Variants in SUMF1 observed in about 807,000 individuals in gnomAD.
The protein encoded by SUMF1 is sulfatase modifying factor 1.
A neutral mutation model predicts 47.6 loss-of-function variants in SUMF1; 48 were observed. The ratio of observed to expected loss-of-function variants is 1.01; its 90% CI spans 0.80 to 1.28. The LOEUF (loss-of-function observed/expected upper bound fraction) is 1.28. Among genes scored for constraint, SUMF1 ranks in the 50% most tolerant of loss-of-function variants. The pLI, the probability that SUMF1 is intolerant of heterozygous loss-of-function variation, is 0.00. For missense variants in SUMF1, 571 were observed against 485.4 expected (o/e 1.18, Z -1.66); for synonymous variants, 230 against 192.1 (o/e 1.20, Z -1.63).
chr3:4,264,944 G>A (rs1246700749), intron 8 of SUMF1, among the ~76,000 whole-genome samples: 1 of 151,976 alleles, frequency 6.6e-6, no homozygotes, highest in Non-Finnish European at 1.5e-5. Flanking sequence ...GACCATCATG[G>A]CCAACATTGT....
At chr3:4,385,215 A>C (rs151327967) in intron 7 of SUMF1, among the ~76,000 whole-genome samples, 34 of 152,270 alleles carry the variant, frequency 2.2e-4, no homozygotes, top group African/African-American at 6.7e-4. Context: ...AAAACGTCAA[A>C]TTGTTTTCCA....
intron 8 of SUMF1, chr3:4,303,293 G>A (rs1342639673): frequency 1.4e-6 from 2 of 1,398,516 alleles, no homozygotes; most frequent in Non-Finnish European, 1.9e-6. Flanking sequence ...AGGCGGTGGG[G>A]CCACGGGACC....
intron 8 of SUMF1, among the ~76,000 whole-genome samples, chr3:4,103,167 CCT>C (rs1303329986): frequency 6.6e-6 from 1 of 151,636 alleles, no homozygotes; most frequent in Non-Finnish European, 1.5e-5. Context: ...AAGTGATCCA[CCT>C]GCCTCGGCCT....
At chr3:4,164,052 G>A (rs995362294) in intron 8 of SUMF1, among the ~76,000 whole-genome samples, 2 of 152,110 alleles carry the variant, frequency 1.3e-5, no homozygotes, top group Non-Finnish European at 2.9e-5. Flanking sequence ...CAACAAATGG[G>A]TAACTTGTTC....
At chr3:4,046,644 G>A (rs1574843492) in intron 9 of SUMF1, among the ~76,000 whole-genome samples, 1 of 152,024 alleles carries the variant, frequency 6.6e-6, no homozygotes, top group South Asian at 2.1e-4. Flanking sequence ...GCAAAATCTC[G>A]CTCCAAATAT....
chr3:4,138,884 G>A (rs753161448), intron 8 of SUMF1, among the ~76,000 whole-genome samples: 14 of 152,092 alleles, frequency 9.2e-5, no homozygotes, highest in African/African-American at 2.9e-4. Context: ...CAGCTGATGC[G>A]ATGTTCTTGA....
intron 9 of SUMF1, among the ~76,000 whole-genome samples, chr3:4,055,219 G>A (rs771463469): frequency 6.6e-6 from 1 of 151,952 alleles, no homozygotes; most frequent in Non-Finnish European, 1.5e-5. Context: ...ACAATGAAAC[G>A]GAAAAATGTG....
intron 8 of SUMF1, among the ~76,000 whole-genome samples, chr3:4,286,963 G>T (rs1474368372): frequency 6.6e-6 from 1 of 152,080 alleles, no homozygotes; most frequent in Non-Finnish European, 1.5e-5. Flanking sequence ...GGATGCCTGG[G>T]ATACCCGAGA....
At chr3:4,416,756 T>C (rs1288952963) in intron 6 of SUMF1, among the ~76,000 whole-genome samples, 3 of 152,134 alleles carry the variant, frequency 2.0e-5, no homozygotes, top group African/African-American at 7.2e-5. Context: ...GCCCAGCACA[T>C]TGCAAGCACT....
At chr3:4,348,356 A>G (rs1164421644) in intron 8 of SUMF1, among the ~76,000 whole-genome samples, 1 of 152,134 alleles carries the variant, frequency 6.6e-6, no homozygotes, top group East Asian at 1.9e-4. Flanking sequence ...CAGAACAGAG[A>G]CCTCGGAAGC....
chr3:4,456,718 A>ACACATATATACGTGTGTGTG (rs2079626909), intron 1 of SUMF1, among the ~76,000 whole-genome samples: 1 of 130,480 alleles, frequency 7.7e-6, no homozygotes, highest in Admixed American at 7.9e-5. Context: ...ATATATATAC[A>ACACATATATACGTGTGTGTG]TATATATACG....
chr3:4,185,899 G>C (rs1465914993), intron 8 of SUMF1, among the ~76,000 whole-genome samples: 3 of 152,112 alleles, frequency 2.0e-5, no homozygotes, highest in Admixed American at 2.0e-4. Context: ...TATAGTGGCA[G>C]GATTAAAAAG....
intron 8 of SUMF1, among the ~76,000 whole-genome samples, chr3:4,152,876 A>G (rs1424128295): frequency 6.6e-6 from 1 of 151,544 alleles, no homozygotes; most frequent in Non-Finnish European, 1.5e-5. Flanking sequence ...GATAGACAGA[A>G]GAAAACATTT....
intron 8 of SUMF1, among the ~76,000 whole-genome samples, chr3:4,203,763 T>C (rs1478963588): frequency 6.6e-6 from 1 of 151,938 alleles, no homozygotes; most frequent in African/African-American, 2.4e-5. Context: ...GTTGTAGGTT[T>C]TTTTTATTTG....
chr3:4,071,673 T>C (rs915664300), intron 8 of SUMF1, among the ~76,000 whole-genome samples: 2 of 152,132 alleles, frequency 1.3e-5, no homozygotes, highest in African/African-American at 4.8e-5. Context: ...GCTCACAGTG[T>C]AAACAAAGCT....
chr3:4,356,899 G>T (rs1167267833), downstream of SUMF1, among the ~76,000 whole-genome samples: 2 of 152,160 alleles, frequency 1.3e-5, no homozygotes, highest in Non-Finnish European at 2.9e-5. Context: ...TGCTTCACCT[G>T]TTCACACGTC....
At chr3:4,411,893 G>A (rs924283924) in intron 6 of SUMF1, among the ~76,000 whole-genome samples, 7 of 152,022 alleles carry the variant, frequency 4.6e-5, no homozygotes, top group African/African-American at 1.7e-4. Context: ...AAATCTTTTT[G>A]TAAATCCATG....
chr3:4,448,749 G>C (rs1209408669), intron 3 of SUMF1, among the ~76,000 whole-genome samples: 1 of 152,066 alleles, frequency 6.6e-6, no homozygotes, highest in Non-Finnish European at 1.5e-5. Context: ...CCATATGGGA[G>C]GGTACACCCC....
chr3:4,292,029 T>C (rs1697752280), intron 8 of SUMF1, among the ~76,000 whole-genome samples: 1 of 152,184 alleles, frequency 6.6e-6, no homozygotes, highest in Non-Finnish European at 1.5e-5. Flanking sequence ...ATTCGCTCAC[T>C]AAAAAGTACA....
Sources: gnomAD v4.1 joint callset for allele counts (sites outside exome capture counted in the v4.1 genomes callset) on GRCh38, gnomAD v4.1.1 for gene constraint, MANE v1.5 for transcripts, NCBI Gene and HGNC (gene_info 2026-07-23, HGNC 2026-07-21) for gene names.